The following DPYD variants were observed in gnomAD, a reference collection of about 807,000 sequenced individuals.
DPYD encodes dihydropyrimidine dehydrogenase [NADP(+)].
DPYD carries 109 observed loss-of-function variants against 116.2 expected under a neutral mutation model. The ratio of observed to expected loss-of-function variants is 0.94; its 90% confidence interval spans 0.80 to 1.10. The LOEUF (loss-of-function observed/expected upper bound fraction) is 1.10, where lower values mean the gene tolerates loss of function less well. Among genes scored for constraint, DPYD ranks in the 50% least tolerant of loss-of-function variants. DPYD has a pLI of 0.00. For missense variants in DPYD, 1,302 were observed against 1,254.5 expected, an observed-to-expected ratio of 1.04 and a Z score of -0.57; for synonymous variants, 440 against 432.0, an observed-to-expected ratio of 1.02 and a Z score of -0.23.
intron 2 of DPYD, among the ~76,000 whole-genome samples, chr1:97,866,427 TGA>T (rs1424606787): frequency 6.6e-6 from 1 of 151,982 alleles, no homozygotes; most frequent in African/African-American, 2.4e-5. Context: ...TTATATTGTG[TGA>T]CTGTATTTTT....
At chr1:97,480,932 A>G (rs190542914) in intron 13 of DPYD, among the ~76,000 whole-genome samples, 1 of 152,172 alleles carries the variant, frequency 6.6e-6, no homozygotes, top group Admixed American at 6.5e-5. Flanking sequence ...GTGAGCCGAG[A>G]TCATGCCACT....
intron 16 of DPYD, among the ~76,000 whole-genome samples, chr1:97,347,067 T>A (rs1020766894): frequency 6.6e-6 from 1 of 151,898 alleles, no homozygotes; most frequent in Non-Finnish European, 1.5e-5. Flanking sequence ...ATGTCATTTT[T>A]CCCAATCCTG....
intron 20 of DPYD, among the ~76,000 whole-genome samples, chr1:97,178,597 C>G (rs1486939674): frequency 6.6e-6 from 1 of 152,088 alleles, no homozygotes; most frequent in Non-Finnish European, 1.5e-5. Context: ...ACCCTTGACA[C>G]ATAGGGATTT....
At chr1:97,108,472 T>C (rs564175513) in intron 20 of DPYD, among the ~76,000 whole-genome samples, 5 of 152,150 alleles carry the variant, frequency 3.3e-5, no homozygotes, top group Non-Finnish European at 7.4e-5. Context: ...AAATTATAAC[T>C]CTTTCCATCC....
At chr1:97,728,318 C>G (rs751699366) in intron 4 of DPYD, among the ~76,000 whole-genome samples, 1 of 151,974 alleles carries the variant, frequency 6.6e-6, no homozygotes, top group South Asian at 2.1e-4. Context: ...TCTATAGGCA[C>G]GACATGTGCC....
intron 14 of DPYD, among the ~76,000 whole-genome samples, chr1:97,444,293 A>T (rs373650852): frequency 2.0e-4 from 31 of 152,284 alleles, no homozygotes; most frequent in South Asian, 6.2e-4. Context: ...TTCAAGGTGT[A>T]ATGGAAAGCC....
intron 1 of DPYD, among the ~76,000 whole-genome samples, chr1:97,920,026 G>C (rs1674426030): frequency 6.6e-6 from 1 of 152,166 alleles, no homozygotes; most frequent in African/African-American, 2.4e-5. Context: ...TTTTCTACCA[G>C]AGTAGAAGAC....
intron 16 of DPYD, among the ~76,000 whole-genome samples, chr1:97,340,049 T>C (rs1669512616): frequency 1.3e-5 from 2 of 152,082 alleles, no homozygotes; most frequent in Admixed American, 1.3e-4. Context: ...CATATTATTG[T>C]GAATAGCAGA....
intron 8 of DPYD, among the ~76,000 whole-genome samples, chr1:97,616,201 T>G (rs1656258195): frequency 6.6e-6 from 1 of 152,164 alleles, no homozygotes; most frequent in African/African-American, 2.4e-5. Context: ...CTCGGCATTC[T>G]TTCTGCCTAG....
intron 13 of DPYD, among the ~76,000 whole-genome samples, chr1:97,457,398 A>G (rs1372605858): frequency 6.6e-6 from 1 of 152,138 alleles, no homozygotes; most frequent in Non-Finnish European, 1.5e-5. Context: ...TGATAAAAAT[A>G]CTGGCTCACA....
At chr1:97,184,056 T>C (rs1168764758) in intron 20 of DPYD, among the ~76,000 whole-genome samples, 1 of 152,140 alleles carries the variant, frequency 6.6e-6, no homozygotes, top group Non-Finnish European at 1.5e-5. Context: ...CTAAAAATAA[T>C]GGCCTCCAGC....
chr1:97,593,114 T>A (rs1321351997), intron 10 of DPYD, 104 bp downstream of exon 10: 2 of 1,423,690 alleles, frequency 1.4e-6, no homozygotes, highest in Non-Finnish European at 2.0e-6. Context: ...ATTTTTAAAC[T>A]TGAATTTGAC....
At chr1:97,383,184 T>C (rs1362867019) in intron 14 of DPYD, among the ~76,000 whole-genome samples, 1 of 151,984 alleles carries the variant, frequency 6.6e-6, no homozygotes, top group Non-Finnish European at 1.5e-5. Flanking sequence ...AGAAAAGTAA[T>C]AACAGAAATT....
At chr1:97,885,301 C>T (rs1034556357) in intron 1 of DPYD, among the ~76,000 whole-genome samples, 1 of 151,818 alleles carries the variant, frequency 6.6e-6, no homozygotes, top group Non-Finnish European at 1.5e-5. Flanking sequence ...AATAAATGAA[C>T]AGATAAAAGA....
chr1:97,472,505 C>T (rs937406142), intron 13 of DPYD, among the ~76,000 whole-genome samples: 7 of 152,162 alleles, frequency 4.6e-5, no homozygotes, highest in South Asian at 4.1e-4. Flanking sequence ...GGGACACCTC[C>T]GTATATTTTT....
At chr1:97,289,537 G>A (rs1432057093) in intron 18 of DPYD, among the ~76,000 whole-genome samples, 5 of 151,150 alleles carry the variant, frequency 3.3e-5, no homozygotes, top group South Asian at 2.1e-4. Context: ...TTCAACATAC[G>A]CAAATCAATA....
At chr1:97,318,726 C>A (rs199744957) in intron 16 of DPYD, among the ~76,000 whole-genome samples, 1 of 147,808 alleles carries the variant, frequency 6.8e-6, no homozygotes, top group Non-Finnish European at 1.5e-5. Flanking sequence ...CTGCACCAAG[C>A]GGACCTAATA....
intron 12 of DPYD, among the ~76,000 whole-genome samples, chr1:97,541,895 A>C (rs570749777): frequency 3.9e-4 from 59 of 152,320 alleles, no homozygotes; most frequent in African/African-American, 1.3e-3. Flanking sequence ...GAAGAAAATA[A>C]ATATGCCTGG....
chr1:97,167,273 C>G (rs866026877), intron 20 of DPYD, among the ~76,000 whole-genome samples: 1 of 152,108 alleles, frequency 6.6e-6, no homozygotes, highest in Non-Finnish European at 1.5e-5. Context: ...TTCATATACT[C>G]TCTCGATTTT....
Sources: allele counts gnomAD v4.1 joint callset (sites outside exome capture counted in the v4.1 genomes callset), GRCh38; gene constraint gnomAD v4.1.1; transcripts MANE v1.5; gene names NCBI Gene and HGNC (gene_info 2026-07-23, HGNC 2026-07-21).